Variants in TBX15 observed in about 807,000 individuals in gnomAD.
TBX15 encodes T-box transcription factor 15, also known as T-box transcription factor TBX15.
Under a neutral mutation model 53.9 loss-of-function variants are expected in TBX15, and 18 were observed. That is an observed-to-expected ratio of 0.33 (90% CI 0.23 to 0.49). The LOEUF is 0.49. Ranked by LOEUF, TBX15 falls within the 20% of genes least tolerant of loss-of-function variation. TBX15 has a pLI of 0.98. For missense variants in TBX15, 692 were observed against 749.5 expected, an observed-to-expected ratio of 0.92 and a Z score of 0.90; for synonymous variants, 295 against 278.0, an observed-to-expected ratio of 1.06 and a Z score of -0.61.
At chr1:118,938,111 G>A (rs772850809) in intron 1 of TBX15, among the ~76,000 whole-genome samples, 1 of 152,124 alleles carries the variant, frequency 6.6e-6, no homozygotes, top group Non-Finnish European at 1.5e-5. Flanking sequence ...AGTACGAACT[G>A]AGCCCAAATT....
At chr1:118,909,297 G>A (rs991303068) in intron 6 of TBX15, among the ~76,000 whole-genome samples, 12 of 152,218 alleles carry the variant, frequency 7.9e-5, no homozygotes, top group South Asian at 2.1e-4. Context: ...TGGCATAAGC[G>A]AGAAGGCTGA....
In TBX15 at chr1:118,962,443, T is replaced by C. The variant is rs907032933; in HGVS notation, c.205+25148A>G. 5.3e-4 allele frequency among the ~76,000 whole-genome samples: 81 copies of C among 152,116 alleles called. 1 individual carries two copies. The highest frequency in any genetic ancestry group is 1.6e-4 in the Non-Finnish European group (11 of 68,026). On this transcript the variant is annotated intron_variant, in intron 1 of 7. Transcript: ENST00000369429. ...AGCAGGCTACTTACTCTTGTCTCTG[T>C]GGCCAAAAGCAACCAACAACACCCC...
intron 1 of TBX15, among the ~76,000 whole-genome samples, chr1:118,932,524 G>A (rs1233681046): frequency 6.6e-6 from 1 of 152,216 alleles, no homozygotes; most frequent in African/African-American, 2.4e-5. Flanking sequence ...CAAAAAGGCA[G>A]TTGAAACAAA....
At chr1:118,987,363 G>A (rs962971452) in intron 1 of TBX15, among the ~76,000 whole-genome samples, 4 of 152,238 alleles carry the variant, frequency 2.6e-5, no homozygotes, top group Non-Finnish European at 5.9e-5. Context: ...CAAACAAACA[G>A]GACTCCTTGC....
chr1:118,909,021 C>G (rs936055397), intron 6 of TBX15, among the ~76,000 whole-genome samples: 1 of 152,102 alleles, frequency 6.6e-6, no homozygotes, highest in Non-Finnish European at 1.5e-5. Flanking sequence ...TTCCATAAGT[C>G]AAGTCTGAAG....
intron 1 of TBX15, among the ~76,000 whole-genome samples, chr1:118,966,259 C>T (rs1342956823): frequency 6.6e-6 from 1 of 152,132 alleles, no homozygotes; most frequent in African/African-American, 2.4e-5. Context: ...AAACTGGAGG[C>T]CCATGAACAG....
intron 2 of TBX15, among the ~76,000 whole-genome samples, chr1:118,929,855 AC>A (rs1386935607): frequency 1.5e-5 from 1 of 64,862 alleles, no homozygotes; most frequent in Non-Finnish European, 4.0e-5. Context: ...AATCTTATAG[AC>A]AAAAAAAAAA....
intron 6 of TBX15, among the ~76,000 whole-genome samples, chr1:118,910,408 T>TTTG (rs10638324): frequency 0.13 from 20,081 of 151,348 alleles, 1,501 homozygotes; most frequent in Middle Eastern, 0.29. Context: ...TTACAAGATT[T>TTTG]TTGTTGTTGT....
chr1:118,967,210 G>A (rs918709878), intron 1 of TBX15, among the ~76,000 whole-genome samples: 2 of 152,050 alleles, frequency 1.3e-5, no homozygotes, highest in Non-Finnish European at 1.5e-5. Flanking sequence ...AAAAGAAAAG[G>A]GTTGACCTCG....
chr1:118,947,801 G>C (rs1656393323), intron 1 of TBX15, among the ~76,000 whole-genome samples: 1 of 152,154 alleles, frequency 6.6e-6, no homozygotes. Flanking sequence ...CCTGCTTGCT[G>C]AGAGCCTGGG....
chr1:118,985,712 T>A (rs1010418322), intron 1 of TBX15, among the ~76,000 whole-genome samples: 1 of 152,318 alleles, frequency 6.6e-6, no homozygotes, highest in African/African-American at 2.4e-5. Flanking sequence ...TTTTCTTTTT[T>A]AAAAAATGAT....
chr1:118,954,257 G>T (rs1374838226), intron 1 of TBX15, among the ~76,000 whole-genome samples: 1 of 152,174 alleles, frequency 6.6e-6, no homozygotes, highest in African/African-American at 2.4e-5. Context: ...GGAGTGGGTG[G>T]CATATCACAG....
rs1363818033 is a variant in TBX15, at chr1:118,884,963, A to AG, written c.1577dup (p.Arg527Ter). 5.0e-6 allele frequency: 8 copies of AG among 1,613,994 alleles called. No individual in the cohort carries two copies. The highest frequency in any genetic ancestry group is 6.8e-6 in the Non-Finnish European group (8 of 1,180,030). On this transcript the variant is annotated frameshift_variant, in exon 8 of 8. Transcript: ENST00000369429. LOFTEE classifies it high-confidence loss of function. ...GTTTTTCCGGGCTTGCAGCTAGCCT[A>AG]GGGGAAGTGGGGAAATTGTATCCAT...
chr1:118,981,148 T>A (rs770537896), intron 1 of TBX15, among the ~76,000 whole-genome samples: 9 of 152,350 alleles, frequency 5.9e-5, no homozygotes, highest in Non-Finnish European at 1.2e-4. Flanking sequence ...CTTCTGACTT[T>A]GGTCACAGTC....
intron 1 of TBX15, among the ~76,000 whole-genome samples, chr1:118,984,424 A>C (rs1023974328): frequency 1.3e-5 from 2 of 152,258 alleles, no homozygotes; most frequent in African/African-American, 4.8e-5. Flanking sequence ...GAAAGGCCCA[A>C]GCCCTAGCTG....
chr1:118,954,936 T>C, intron 1 of TBX15, among the ~76,000 whole-genome samples: 1 of 152,246 alleles, frequency 6.6e-6, no homozygotes, highest in African/African-American at 2.4e-5. Flanking sequence ...CCCAAGCACC[T>C]CCTTGGCTAG....
At chr1:118,894,009 T>G (rs1654308517) in intron 7 of TBX15, among the ~76,000 whole-genome samples, 1 of 152,206 alleles carries the variant, frequency 6.6e-6, no homozygotes, top group Non-Finnish European at 1.5e-5. Context: ...CTTGGCCTAC[T>G]CTGGATGGCA....
Position 118,987,852 on chromosome 1 carries a change from G to T in TBX15, c.-57C>A. On this transcript the variant is annotated 5_prime_UTR_variant, in exon 1 of 8. Transcript: ENST00000369429. ...CCCCGCTACCGAGGGAGCAGCCGGCGCCCTCAAGCTCTGAGCGCCCACCGG... is the reference window on the plus strand; with the variant it reads ...CCCCGCTACCGAGGGAGCAGCCGGCTCCCTCAAGCTCTGAGCGCCCACCGG... The T allele has an allele frequency of 6.5e-7, 1 of 1,539,394 alleles. No individual in the cohort carries two copies. The highest frequency in any genetic ancestry group is 8.8e-7 in the Non-Finnish European group (1 of 1,142,060).
intron 7 of TBX15, among the ~76,000 whole-genome samples, chr1:118,893,273 G>A (rs865922795): frequency 1.7e-5 from 1 of 58,234 alleles, no homozygotes; most frequent in South Asian, 8.0e-4. Context: ...AAAGGAAGAA[G>A]GAAGGAAGGA....
Sources: allele counts gnomAD v4.1 joint callset (sites outside exome capture counted in the v4.1 genomes callset), GRCh38; gene constraint gnomAD v4.1.1; transcripts MANE v1.5; gene names NCBI Gene and HGNC (gene_info 2026-07-23, HGNC 2026-07-21).